The following GUCY2D variants were observed in gnomAD, a reference collection of about 807,000 sequenced individuals.
GUCY2D encodes the protein guanylate cyclase 2D, retinal.
In GUCY2D, 70 loss-of-function variants were observed where a neutral mutation model predicts 101.3. That is an observed-to-expected ratio of 0.69 (90% confidence interval 0.57 to 0.84). The LOEUF is 0.84. Among genes scored for constraint, GUCY2D ranks in the 40% least tolerant of loss-of-function variants. The pLI, the probability that GUCY2D is intolerant of heterozygous loss-of-function variation, is 0.00. For synonymous variants in GUCY2D, 688 were observed against 670.7 expected (o/e 1.03, Z -0.40); for missense variants, 1,460 against 1,542.5 (o/e 0.95, Z 0.90).
rs1975905316 is a variant in GUCY2D, at chr17:8,013,870, A to G, written c.2264-10A>G. ...GGGCACTCCCCCTCACTGTCCCCTC[A>G]TGCCTCCAGAAGTGGTGCAGAGGGT... On this transcript the variant is annotated splice_polypyrimidine_tract_variant and intron_variant, in intron 11 of 19. Transcript: ENST00000254854. The surrounding 1 kb of genome is among the most constrained non-coding windows in gnomAD (Gnocchi z 5.0). 5.0e-6 allele frequency: 8 copies of G among 1,612,638 alleles called. No homozygotes were observed. The highest frequency in any genetic ancestry group is 6.8e-6 in the Non-Finnish European group (8 of 1,178,762).
At chr17:8,008,715 G>T (rs542322730) in intron 7 of GUCY2D, among the ~76,000 whole-genome samples, 14 of 152,292 alleles carry the variant, frequency 9.2e-5, no homozygotes, top group East Asian at 5.8e-4. Context: ...GTCCTAAATT[G>T]TATGGGACTA....
rs1462992258 is a variant in GUCY2D, at chr17:8,013,824, G to A, written c.2264-56G>A. 4 of 1,533,076 alleles carry A rather than the reference G, an allele frequency of 2.6e-6. No homozygotes were observed. In the East Asian group the frequency reaches 9.0e-5, roughly 34 times the overall value. The allele number at this position is 1,533,076 out of a possible 1,614,324, so 95.0% of individuals were successfully genotyped here. A position where few individuals can be genotyped will look rare whatever the true frequency, so the allele number is the denominator to read the frequency against. On this transcript the variant is annotated intron_variant, in intron 11 of 19. Coordinates refer to ENST00000254854, the MANE Select transcript of GUCY2D (RefSeq NM_000180.4). The surrounding 1 kb of genome is among the most constrained non-coding windows in gnomAD (Gnocchi z 5.0). ...GTCTTCAACAGTCAGGCCAGGGTCAGAGGCAGCCTTTGTGTTCTGGGGGCA... is the reference window on the plus strand; with the variant it reads ...GTCTTCAACAGTCAGGCCAGGGTCAAAGGCAGCCTTTGTGTTCTGGGGGCA...
chr17:8,018,406 G>A (rs79347759), intron 19 of GUCY2D, among the ~76,000 whole-genome samples: 74 of 152,112 alleles, frequency 4.9e-4, no homozygotes, highest in African/African-American at 1.7e-3. Flanking sequence ...ATATTGACAC[G>A]CTCATTAAAG....
At chr17:8,008,561 G>A (rs1204133769) in intron 7 of GUCY2D, among the ~76,000 whole-genome samples, 1 of 152,226 alleles carries the variant, frequency 6.6e-6, no homozygotes, top group Non-Finnish European at 1.5e-5. Flanking sequence ...AGAGAGCTGA[G>A]AGTGCTGAGC....
chr17:8,003,290 C>T lies in GUCY2D; in HGVS notation c.243C>T (p.Ala81=). 6.7e-7 allele frequency: 1 copy of T among 1,492,596 alleles called. No homozygotes were observed. 92.5% of individuals were successfully genotyped at this position (1,492,596 alleles called of 1,614,324 possible). The change falls in exon 2 of 20, where the codon GCC becomes GCT. Residue 81 remains alanine (A), a synonymous_variant. Transcript: ENST00000254854. ...CGGACCTGGCCGCCCGCCTGGCCGC[C>T]GCCCGCCTGAACCGCGACCCCGGCC... The part of the protein sequence containing the change: ...ARPDLAARLA[A]ARLNRDPGLA...
intron 19 of GUCY2D, among the ~76,000 whole-genome samples, chr17:8,017,336 G>A (rs1003921709): frequency 2.0e-4 from 30 of 152,170 alleles, no homozygotes; most frequent in Admixed American, 5.2e-4. Flanking sequence ...GGGATTCTCC[G>A]CTTCCCAGTG....
At position 8,002,896 on chromosome 17, in the gene GUCY2D, T is replaced by G. The variant is rs931114543; in HGVS notation, c.-9-143T>G. On this transcript the variant is annotated intron_variant, in intron 1 of 19. Transcript: ENST00000254854. The surrounding 1 kb of genome is among the most constrained non-coding windows in gnomAD (Gnocchi z 4.9). ...TCGGGGCGGTGTCCTTGGCCCCAGT[T>G]AGTCTTCCCAGCCTCCGGAGGGGGC... 5 of 627,464 alleles carry G rather than the reference T, an allele frequency of 8.0e-6. No homozygotes were observed. Among genetic ancestry groups the G allele is most frequent in the Non-Finnish European group, 1.0e-5 (4 of 381,122 alleles). 38.9% of individuals were successfully genotyped at this position (627,464 alleles called of 1,614,324 possible).
rs1478819668 is a variant in GUCY2D at position 8,007,096 on chromosome 17, T to C, written c.1415T>C (p.Leu472Pro). The C allele has an allele frequency of 5.0e-6, 8 of 1,614,052 alleles. No homozygotes were observed. Among genetic ancestry groups the C allele is most frequent in the Non-Finnish European group, 6.8e-6 (8 of 1,179,990 alleles). ...GGCCTCGTCTTTCTTGGCTTCCTCC[T>C]GGTGGTTGGGATGGGGCTGGCTGGG... ...EPGLVFLGFL[L>P]VVGMGLAGAF... is the part of the protein sequence containing the mutation. The change falls in exon 5 of 20, where the codon CTG (leucine) becomes CCG (proline). Residue 472 changes from leucine (L) to proline (P), a missense_variant. Transcript: ENST00000254854.
intron 17 of GUCY2D, 81 bp from the exon 18 acceptor site, chr17:8,016,124 C>A: frequency 7.5e-7 from 1 of 1,331,334 alleles, no homozygotes; most frequent in Non-Finnish European, 1.1e-6. Flanking sequence ...CTGACCTGGT[C>A]TCCCAGTTCC....
chr17:8,012,427 C>T (rs1417264601), intron 9 of GUCY2D, 23 bp from the exon 10 acceptor site: 2 of 1,613,730 alleles, frequency 1.2e-6, no homozygotes, highest in Admixed American at 1.7e-5. Context: ...GCTGAGGCTG[C>T]CTCTTACCCT....
intron 4 of GUCY2D, 55 bp from the exon 5 acceptor site, chr17:8,007,005 A>G (rs1344905040): frequency 7.1e-7 from 1 of 1,402,240 alleles, no homozygotes. Flanking sequence ...CTCCCTAGAG[A>G]AGAGGCCTCC....
At chr17:8,015,288 A>G in intron 14 of GUCY2D, 40 bp from the exon 15 acceptor site, 1 of 1,573,274 alleles carries the variant, frequency 6.4e-7, no homozygotes, top group Non-Finnish European at 8.7e-7. Flanking sequence ...CTCGGGGGGA[A>G]TGCTCAAAAG....
At position 8,009,526 on chromosome 17, in the gene GUCY2D, G is replaced by A; in HGVS notation, c.1689G>A (p.Lys563=). 6.2e-7 allele frequency: 1 copy of A among 1,613,640 alleles called. No individual in the cohort carries two copies. Among genetic ancestry groups the A allele is most frequent in the South Asian group, 1.1e-5 (1 of 91,074 alleles). ...GVYEGDRVWL[K]KFPGDQHIAI... ...TGCAGGGAGACAGGGTTTGGCTGAA[G>A]AAATTCCCAGGGGATCAGCACATAG... Residue 563 remains lysine, a synonymous_variant, in exon 8 of 20, where the codon AAG becomes AAA. Transcript: ENST00000254854.
Position 8,004,167 on chromosome 17 carries a change from C to A in GUCY2D, c.1026+11C>A. On this transcript the variant is annotated intron_variant, in intron 3 of 19. Transcript: ENST00000254854. Reference sequence around the variant, plus strand: ...CTCAATCTGCAGCAGGTAGACGGTCCCGGGAGGAGGGAAGAAGGCAAGGGA... The same window carrying A: ...CTCAATCTGCAGCAGGTAGACGGTCACGGGAGGAGGGAAGAAGGCAAGGGA... The A allele has an allele frequency of 6.3e-7, 1 of 1,580,860 alleles. No homozygotes were observed. Among genetic ancestry groups the A allele is most frequent in the Non-Finnish European group, 8.6e-7 (1 of 1,167,834 alleles).
rs138596240 is a variant in GUCY2D, at chr17:8,020,291, A to G, written c.*188A>G. The G allele has an allele frequency of 0.019, 2,938 of 151,980 alleles. 36 individuals carry two copies. Among genetic ancestry groups the G allele is most frequent in the Middle Eastern group, 0.068 (20 of 296 alleles). The allele number at this position is 151,980 out of a possible 1,614,324, so 9.4% of individuals were successfully genotyped here. The stretch of plus-strand genomic sequence containing the variant: ...CACCGTGGATACCAGGCCATGTGCC[A>G]TGGTATTTGGGTCCTGGGAGGGTGG... On this transcript the variant is annotated 3_prime_UTR_variant, in exon 20 of 20. Transcript: ENST00000254854.
rs61749756 is a variant in GUCY2D at position 8,009,554 on chromosome 17, A to G, written c.1717A>G (p.Ile573Val). 30 of 1,613,744 alleles carry G rather than the reference A, an allele frequency of 1.9e-5. No individual in the cohort carries two copies. Among genetic ancestry groups the G allele is most frequent in the East Asian group, 2.2e-5 (1 of 44,894 alleles). Residue 573 changes from isoleucine (I) to valine (V), a missense_variant, in exon 8 of 20, where the codon ATC (isoleucine) becomes GTC (valine). By Grantham distance (29) the Ile-to-Val change is conservative. Transcript: ENST00000254854. ...ATTCCCAGGGGATCAGCACATAGCT[A>G]TCCGCCCAGCAACCAAGACGGCCTT... ...KKFPGDQHIA[I>V]RPATKTAFSK...
chr17:8,015,144 C>G (rs981652730), intron 14 of GUCY2D, 93 bp downstream of exon 14: 2 of 1,173,708 alleles, frequency 1.7e-6, no homozygotes, highest in Admixed American at 1.9e-5. Flanking sequence ...AGCCTACCTG[C>G]CCAATCAATC....
chr17:8,003,275 C>A lies in GUCY2D; in HGVS notation c.228C>A (p.Ala76=), dbSNP rs1309007524. The stretch of plus-strand genomic sequence containing the variant: ...TCTCTCGGGCTCGCCCGGACCTGGC[C>A]GCCCGCCTGGCCGCCGCCCGCCTGA... ...PIFSRARPDL[A]ARLAAARLNR... The change falls in exon 2 of 20, where the codon GCC becomes GCA. Residue 76 remains alanine (A), a synonymous_variant. Transcript: ENST00000254854. 1.3e-6 allele frequency: 2 copies of A among 1,496,976 alleles called. No homozygotes were observed. Among genetic ancestry groups the A allele is most frequent in the Non-Finnish European group, 1.8e-6 (2 of 1,129,000 alleles). 92.7% of individuals were successfully genotyped at this position (1,496,976 alleles called of 1,614,324 possible). A position where few individuals can be genotyped will look rare whatever the true frequency, so the allele number is the denominator to read the frequency against.
chr17:8,015,812 C>G lies in GUCY2D; in HGVS notation c.3014C>G (p.Thr1005Ser). The change falls in exon 16 of 20, where the codon ACC becomes AGC. Residue 1005 changes from threonine (T) to serine (S), a missense_variant. Around this residue, in one of 3 missense-constraint regions of GUCY2D, gnomAD observed 215 missense variants for 227.9 expected, o/e 0.94. Transcript: ENST00000254854. ...RYCLFGDTVN[T>S]ASRMESTGLP... is the part of the protein sequence containing the mutation. ...TGCCTGTTTGGGGACACGGTCAACA[C>G]CGCCTCGCGCATGGAGTCCACCGGG... 2 of 1,612,608 alleles carry G rather than the reference C, an allele frequency of 1.2e-6. No homozygotes were observed. The highest frequency in any genetic ancestry group is 1.7e-6 in the Non-Finnish European group (2 of 1,179,486).
Sources: allele counts gnomAD v4.1 joint callset (sites outside exome capture counted in the v4.1 genomes callset), GRCh38; gene constraint gnomAD v4.1.1; regional missense constraint gnomAD v4.1.1; non-coding constraint Gnocchi (gnomAD v3.1); transcripts MANE v1.5; gene names NCBI Gene and HGNC (gene_info 2026-07-23, HGNC 2026-07-21).